The following CNKSR2 variants were observed in gnomAD, a reference collection of about 807,000 sequenced individuals.
CNKSR2 encodes connector enhancer of kinase suppressor of Ras 2, also known as CNK homolog protein 2.
Under a neutral mutation model 84.4 loss-of-function variants are expected in CNKSR2, and 14 were observed. The observed-to-expected ratio is 0.17, with a 90% CI of 0.11 to 0.26. The LOEUF (loss-of-function observed/expected upper bound fraction) is 0.26. Ranked by LOEUF, CNKSR2 falls within the 10% of genes least tolerant of loss-of-function variation. The pLI, the probability that CNKSR2 is intolerant of heterozygous loss-of-function variation, is 1.00. For synonymous variants in CNKSR2, 275 were observed against 277.9 expected, an observed-to-expected ratio of 0.99 and a Z score of 0.10; for missense variants, 485 against 771.2, an observed-to-expected ratio of 0.63 and a Z score of 4.40.
chrX:21,472,558 C>A (rs2091211019), intron 5 of CNKSR2, among the ~76,000 whole-genome samples: 2 of 111,370 alleles, frequency 1.8e-5, no homozygotes, highest in Admixed American at 9.6e-5. Context: ...TTTCTTTTTG[C>A]CTTGTTTTTC....
intron 11 of CNKSR2, among the ~76,000 whole-genome samples, chrX:21,542,616 A>G (rs2091985957): frequency 8.9e-6 from 1 of 111,879 alleles, no homozygotes. Context: ...AATATTTCCC[A>G]TCAGCTTTTC....
intron 1 of CNKSR2, among the ~76,000 whole-genome samples, chrX:21,403,831 A>T (rs1009139358): frequency 1.8e-5 from 2 of 111,427 alleles, no homozygotes; most frequent in Non-Finnish European, 3.8e-5. Context: ...AGGGTTATTG[A>T]CTCCAATGTG....
At chrX:21,405,095 C>A (rs2090245851) in intron 1 of CNKSR2, among the ~76,000 whole-genome samples, 1 of 110,908 alleles carries the variant, frequency 9.0e-6, no homozygotes, top group African/African-American at 3.3e-5. Flanking sequence ...GTTTCCTCAC[C>A]CCCATGTTTT....
chrX:21,627,218 C>T (rs770570130), intron 20 of CNKSR2, among the ~76,000 whole-genome samples: 145 of 110,898 alleles, frequency 1.3e-3, no homozygotes, highest in Middle Eastern at 4.6e-3. Flanking sequence ...TAAGGCCGGG[C>T]GCGGTGGCTC....
At chrX:21,459,535 G>A (rs1043106039) in intron 4 of CNKSR2, among the ~76,000 whole-genome samples, 3 of 109,577 alleles carry the variant, frequency 2.7e-5, no homozygotes, top group African/African-American at 1.0e-4. Context: ...TGTGTATATA[G>A]TACTAGATCT....
At chrX:21,620,291 C>A (rs2147301317) in intron 20 of CNKSR2, among the ~76,000 whole-genome samples, 1 of 109,932 alleles carries the variant, frequency 9.1e-6, no homozygotes, top group South Asian at 3.9e-4. Context: ...AATTTGTAAG[C>A]ATCTTTTTTT....
chrX:21,600,283 GATAA>G (rs1410399841), intron 17 of CNKSR2, among the ~76,000 whole-genome samples: 2 of 112,076 alleles, frequency 1.8e-5, no homozygotes, highest in Non-Finnish European at 3.8e-5. Flanking sequence ...TGACAGGGAA[GATAA>G]ATGTCTTAGG....
intron 20 of CNKSR2, among the ~76,000 whole-genome samples, chrX:21,626,443 C>T (rs940389945): frequency 1.8e-4 from 20 of 110,935 alleles, no homozygotes; most frequent in Non-Finnish European, 3.4e-4. Flanking sequence ...TAGAGAGCTT[C>T]GGTAGGTCAC....
chrX:21,403,852 T>C (rs1228778839), intron 1 of CNKSR2, among the ~76,000 whole-genome samples: 2 of 111,848 alleles, frequency 1.8e-5, no homozygotes, highest in Non-Finnish European at 3.8e-5. Context: ...TAAGTTTCTG[T>C]TCTTTATACA....
chrX:21,390,910 C>T (rs2090040446), intron 1 of CNKSR2, among the ~76,000 whole-genome samples: 1 of 111,827 alleles, frequency 8.9e-6, no homozygotes, highest in African/African-American at 3.3e-5. Flanking sequence ...GTAAATACAC[C>T]CATTCCAAAA....
At chrX:21,563,590 T>TA (rs1415547756) in intron 13 of CNKSR2, 138 bp downstream of exon 13, 12 of 449,387 alleles carry the variant, frequency 2.7e-5, no homozygotes, top group Non-Finnish European at 4.1e-5. Flanking sequence ...TTTATGCCCT[T>TA]AAAAAATGAT....
chrX:21,576,785 A>G (rs2147220692), intron 13 of CNKSR2, among the ~76,000 whole-genome samples: 1 of 111,690 alleles, frequency 9.0e-6, no homozygotes, highest in South Asian at 3.7e-4. Context: ...AACTGCCAAA[A>G]CTCACCCAAA....
At chrX:21,568,529 G>C (rs1176414016) in intron 13 of CNKSR2, among the ~76,000 whole-genome samples, 1 of 111,467 alleles carries the variant, frequency 9.0e-6, no homozygotes, top group Non-Finnish European at 1.9e-5. Context: ...GGATATAACT[G>C]CAAACATTCA....
rs757914799 is a variant in CNKSR2 at position 21,474,318 on chromosome X, T to C, written c.561+3511T>C. The stretch of plus-strand genomic sequence containing the variant: ...ACAAGGCTCGAATGCAGATAGTTTG[T>C]GTTGATTAGTTATCCCAAGACTCAG... On this transcript the variant is annotated intron_variant, in intron 5 of 21. Coordinates refer to ENST00000379510, the MANE Select transcript of CNKSR2 (RefSeq NM_014927.5). Among the ~76,000 whole-genome samples the C allele has an allele frequency of 2.7e-5, 3 of 111,463 alleles. No homozygotes were observed. The East Asian group carries it at 8.5e-4, about 31-fold the overall frequency.
chrX:21,436,229 A>G (rs2090702719), intron 3 of CNKSR2, among the ~76,000 whole-genome samples: 2 of 111,614 alleles, frequency 1.8e-5, no homozygotes, highest in East Asian at 2.8e-4. Context: ...TAGCACTACC[A>G]TTATTCACAG....
intron 1 of CNKSR2, among the ~76,000 whole-genome samples, chrX:21,422,993 G>A (rs1701171444): frequency 9.0e-6 from 1 of 110,662 alleles, no homozygotes; most frequent in South Asian, 3.9e-4. Context: ...CCCACTTTAT[G>A]ACTAACCATA....
At chrX:21,645,771 A>C (rs1156960618) in intron 20 of CNKSR2, 1 of 111,751 alleles carries the variant, frequency 8.9e-6, no homozygotes, top group East Asian at 2.8e-4. Flanking sequence ...GATGAAGAAG[A>C]GGGCAAAAAG....
intron 11 of CNKSR2, among the ~76,000 whole-genome samples, chrX:21,560,334 G>C (rs754055690): frequency 3.6e-5 from 4 of 110,802 alleles, no homozygotes; most frequent in Non-Finnish European, 7.6e-5. Flanking sequence ...TGACAGAAGT[G>C]TGAGTGCCTG....
intron 4 of CNKSR2, among the ~76,000 whole-genome samples, chrX:21,460,514 A>G: frequency 8.9e-6 from 1 of 112,175 alleles, no homozygotes. Context: ...TGAGGTATGC[A>G]TCCCCTCAAG....
Sources: allele counts gnomAD v4.1 joint callset (sites outside exome capture counted in the v4.1 genomes callset), GRCh38; gene constraint gnomAD v4.1.1; transcripts MANE v1.5; gene names NCBI Gene and HGNC (gene_info 2026-07-23, HGNC 2026-07-21).